Variants in IQCJ observed in about 807,000 individuals in gnomAD.
The protein encoded by IQCJ is IQ domain-containing protein J.
Under a neutral mutation model 11.0 loss-of-function variants are expected in IQCJ, and 9 were observed. The ratio of observed to expected loss-of-function variants is 0.82; its 90% CI spans 0.49 to 1.43. The LOEUF (loss-of-function observed/expected upper bound fraction) is 1.43, where lower values mean the gene tolerates loss of function less well. IQCJ is among the 40% of genes most tolerant of loss of function. The pLI, the probability that IQCJ is intolerant of heterozygous loss-of-function variation, is 0.00. For missense variants in IQCJ, 146 were observed against 133.2 expected, an observed-to-expected ratio of 1.10 and a Z score of -0.47; for synonymous variants, 55 against 51.3, an observed-to-expected ratio of 1.07 and a Z score of -0.31.
intron 3 of IQCJ, among the ~76,000 whole-genome samples, chr3:159,261,873 C>T (rs544968350): frequency 2.6e-5 from 4 of 152,332 alleles, no homozygotes; most frequent in South Asian, 2.1e-4. Context: ...CTGAGTAGTA[C>T]GTAACACTTG....
intron 1 of IQCJ, among the ~76,000 whole-genome samples, chr3:159,115,780 G>A (rs1425290053): frequency 6.6e-6 from 1 of 152,086 alleles, no homozygotes; most frequent in Non-Finnish European, 1.5e-5. Context: ...TTAAAAAATA[G>A]CCGGCATTCT....
At chr3:159,245,999 G>C in intron 2 of IQCJ, 92 bp downstream of exon 2, 1 of 991,022 alleles carries the variant, frequency 1.0e-6, no homozygotes, top group Non-Finnish European at 1.5e-6. Context: ...AAGTAAATTG[G>C]ACAGTTTCTT....
chr3:159,205,237 G>A lies in IQCJ; in HGVS notation c.10-40606G>A, dbSNP rs371865701. Among the ~76,000 whole-genome samples the A allele has an allele frequency of 5.7e-4, 87 of 152,302 alleles. 1 individual carries two copies. The South Asian group carries it at 0.01, about 18-fold the overall frequency. ...GAAAGAAGTTATACTCATGATTATG[G>A]TGTATTACAAGGAAAGGATACAGAT... On this transcript the variant is annotated intron_variant, in intron 1 of 3. Coordinates refer to ENST00000397832, the MANE Select transcript of IQCJ (RefSeq NM_001042706.3).
chr3:159,163,606 C>T (rs1288672534), intron 1 of IQCJ, among the ~76,000 whole-genome samples: 1 of 152,116 alleles, frequency 6.6e-6, no homozygotes, highest in Non-Finnish European at 1.5e-5. Flanking sequence ...CTCAGGTAAG[C>T]CTCCCACCTA....
chr3:159,228,400 A>C (rs1560033270), intron 1 of IQCJ, among the ~76,000 whole-genome samples: 1 of 152,214 alleles, frequency 6.6e-6, no homozygotes, highest in Non-Finnish European at 1.5e-5. Context: ...ATTTAGGGCA[A>C]TCACTAAGAT....
chr3:159,118,289 C>A (rs1719147917), intron 1 of IQCJ, among the ~76,000 whole-genome samples: 1 of 151,850 alleles, frequency 6.6e-6, no homozygotes, highest in Non-Finnish European at 1.5e-5. Context: ...ATCCTGGGCA[C>A]AACAGAAAGC....
At chr3:159,102,460 G>A (rs1046510792) in intron 1 of IQCJ, among the ~76,000 whole-genome samples, 4 of 152,182 alleles carry the variant, frequency 2.6e-5, no homozygotes, top group African/African-American at 9.7e-5. Context: ...GAAAGAGTAA[G>A]CATTAATTCA....
chr3:159,082,788 G>A (rs1716409763), intron 1 of IQCJ, among the ~76,000 whole-genome samples: 1 of 152,030 alleles, frequency 6.6e-6, no homozygotes, highest in Admixed American at 6.6e-5. Context: ...AAATGATTCT[G>A]GGACAGATAG....
intron 1 of IQCJ, among the ~76,000 whole-genome samples, chr3:159,116,559 T>C (rs1380274246): frequency 2.7e-5 from 4 of 147,060 alleles, no homozygotes; most frequent in Non-Finnish European, 6.0e-5. Flanking sequence ...TCTGTTAACA[T>C]GCATTTCTAT....
At chr3:159,117,079 A>G (rs1719068334) in intron 1 of IQCJ, among the ~76,000 whole-genome samples, 1 of 152,188 alleles carries the variant, frequency 6.6e-6, no homozygotes, top group Non-Finnish European at 1.5e-5. Context: ...AAACATTTTG[A>G]AAGAGTAATG....
At chr3:159,245,739 T>C in intron 1 of IQCJ, 104 bp from the exon 2 acceptor site, 9 of 985,542 alleles carry the variant, frequency 9.1e-6, no homozygotes, top group Non-Finnish European at 1.4e-5. Context: ...AGTCCAGAAC[T>C]CTTAATGTTG....
chr3:159,152,585 A>C (rs1271904040), intron 1 of IQCJ, among the ~76,000 whole-genome samples: 2 of 152,218 alleles, frequency 1.3e-5, no homozygotes, highest in African/African-American at 4.8e-5. Context: ...ACCTGGAACA[A>C]GTGGGTAGCC....
chr3:159,090,758 G>A (rs1023525179), intron 1 of IQCJ, among the ~76,000 whole-genome samples: 1 of 151,828 alleles, frequency 6.6e-6, no homozygotes, highest in African/African-American at 2.4e-5. Context: ...AGGCAGAGCT[G>A]GGACTCACAG....
chr3:159,107,290 AG>A (rs1274491587), intron 1 of IQCJ, among the ~76,000 whole-genome samples: 1 of 152,312 alleles, frequency 6.6e-6, no homozygotes, highest in African/African-American at 2.4e-5. Flanking sequence ...GACCCCAGAG[AG>A]CTAGCTAGTC....
At chr3:159,264,889 C>A (rs1488273779), downstream of IQCJ, among the ~76,000 whole-genome samples, 1 of 150,292 alleles carries the variant, frequency 6.7e-6, no homozygotes, top group Non-Finnish European at 1.5e-5. Context: ...TGCACTCCAG[C>A]CTGGATGACA....
intron 1 of IQCJ, among the ~76,000 whole-genome samples, chr3:159,085,018 T>A (rs1193912953): frequency 6.6e-6 from 1 of 152,056 alleles, no homozygotes; most frequent in Non-Finnish European, 1.5e-5. Flanking sequence ...CTGCACCCAC[T>A]AACTCGTCAT....
rs570439911 is a variant in IQCJ, at chr3:159,217,796, T to A, written c.10-28047T>A. ...TTCCCTGCAATATTACCTCCTTAAG[T>A]AGCCTTACCTGAGTATCCTCCCTCT... On this transcript the variant is annotated intron_variant, in intron 1 of 3. Coordinates refer to ENST00000397832, the MANE Select transcript of IQCJ (RefSeq NM_001042706.3). 9.2e-5 allele frequency among the ~76,000 whole-genome samples: 14 copies of A among 152,280 alleles called. No individual in the cohort carries two copies. The East Asian group carries it at 2.7e-3, about 29-fold the overall frequency.
In IQCJ at chr3:159,170,834, A is replaced by G. The variant is rs371067865; in HGVS notation, c.10-75009A>G. 5.3e-5 allele frequency among the ~76,000 whole-genome samples: 8 copies of G among 152,308 alleles called. No individual in the cohort carries two copies. The East Asian group carries it at 7.7e-4, about 15-fold the overall frequency. Reference sequence around the variant, plus strand: ...GCTGTGGATTCCTTTCTCATAGCCCAAGTTAAAAAAGAACAGTGAAGTCAT... The same window carrying G: ...GCTGTGGATTCCTTTCTCATAGCCCGAGTTAAAAAAGAACAGTGAAGTCAT... On this transcript the variant is annotated intron_variant, in intron 1 of 3. Coordinates refer to ENST00000397832, the MANE Select transcript of IQCJ (RefSeq NM_001042706.3).
chr3:159,230,226 C>T (rs1425543255), intron 1 of IQCJ, among the ~76,000 whole-genome samples: 1 of 151,996 alleles, frequency 6.6e-6, no homozygotes, highest in Non-Finnish European at 1.5e-5. Flanking sequence ...TGATTTCATT[C>T]TTTTTTATGG....
Sources: gnomAD v4.1 joint callset for allele counts (sites outside exome capture counted in the v4.1 genomes callset) on GRCh38, gnomAD v4.1.1 for gene constraint, MANE v1.5 for transcripts, NCBI Gene and HGNC (gene_info 2026-07-23, HGNC 2026-07-21) for gene names.